The following FSHR variants were observed in gnomAD, a reference collection of about 807,000 sequenced individuals.
FSHR encodes follicle-stimulating hormone receptor.
A neutral mutation model predicts 52.1 loss-of-function variants in FSHR; 46 were observed. That is an observed-to-expected ratio of 0.88 (90% confidence interval 0.70 to 1.13). FSHR has a LOEUF of 1.13. Ranked by LOEUF, FSHR falls within the 50% of genes most tolerant of loss-of-function variation. The probability of loss-of-function intolerance (pLI) is 0.00; values close to 1 mark genes in which losing one functional copy is unlikely to be tolerated. For synonymous variants in FSHR, 399 were observed against 309.6 expected (o/e 1.29, Z -3.03); for missense variants, 964 against 834.6 (o/e 1.16, Z -1.91).
intron 4 of FSHR, among the ~76,000 whole-genome samples, chr2:48,996,676 C>T (rs1041900630): frequency 2.9e-4 from 44 of 152,100 alleles, no homozygotes; most frequent in African/African-American, 1.0e-3. Context: ...TGATTTTCAG[C>T]ATGACAGCTG....
chr2:48,997,924 G>C (rs899213130), intron 4 of FSHR, among the ~76,000 whole-genome samples: 1 of 152,072 alleles, frequency 6.6e-6, no homozygotes, highest in Non-Finnish European at 1.5e-5. Flanking sequence ...GACTTTCCCA[G>C]ATTCCTCCTG....
rs1667536115 is a variant in FSHR, at chr2:49,017,648, A to G, written c.300-85T>C. On this transcript the variant is annotated intron_variant, in intron 3 of 9. Coordinates refer to ENST00000406846, the MANE Select transcript of FSHR (RefSeq NM_000145.4). The stretch of plus-strand genomic sequence containing the variant: ...TCACATTTTACAGAGTACATAATAA[A>G]TCATTCATCCCATCCACTCATCCAC... The G allele has an allele frequency of 6.2e-6, 6 of 965,768 alleles. No individual in the cohort carries two copies. In the South Asian group the frequency reaches 8.1e-5, roughly 13 times the overall value. The allele number at this position is 965,768 out of a possible 1,614,324, so 59.8% of individuals were successfully genotyped here. A position where few individuals can be genotyped will look rare whatever the true frequency, so the allele number is the denominator to read the frequency against.
chr2:49,027,290 G>A (rs1388772436), intron 2 of FSHR, among the ~76,000 whole-genome samples: 2 of 152,116 alleles, frequency 1.3e-5, no homozygotes, highest in East Asian at 3.9e-4. Context: ...ACTCCGGAGT[G>A]GTTTGATGTT....
At chr2:49,100,550 C>G (rs1006280576) in intron 1 of FSHR, among the ~76,000 whole-genome samples, 1 of 152,154 alleles carries the variant, frequency 6.6e-6, no homozygotes, top group East Asian at 1.9e-4. Context: ...CTCCCAAAAC[C>G]CTTACCCAAT....
chr2:49,043,541 C>A (rs1668550819), intron 2 of FSHR, among the ~76,000 whole-genome samples: 1 of 152,186 alleles, frequency 6.6e-6, no homozygotes, highest in African/African-American at 2.4e-5. Flanking sequence ...AAGTCAATGA[C>A]ACTAAGCAGT....
intron 1 of FSHR, among the ~76,000 whole-genome samples, chr2:49,102,699 T>C (rs769251463): frequency 6.6e-6 from 1 of 152,196 alleles, no homozygotes; most frequent in Non-Finnish European, 1.5e-5. Flanking sequence ...TTCATGGACA[T>C]TGAAATCTAG....
intron 2 of FSHR, among the ~76,000 whole-genome samples, chr2:49,062,214 A>G (rs1669337608): frequency 6.6e-6 from 1 of 152,192 alleles, no homozygotes. Flanking sequence ...TGCTATGGTC[A>G]TAAAAACCAA....
At chr2:49,085,434 C>A (rs1034608797) in intron 1 of FSHR, among the ~76,000 whole-genome samples, 6 of 149,428 alleles carry the variant, frequency 4.0e-5, no homozygotes, top group African/African-American at 1.5e-4. Context: ...AAAACTGGCA[C>A]AACGAAGGGA....
intron 4 of FSHR, among the ~76,000 whole-genome samples, chr2:49,004,561 G>A (rs1489495979): frequency 1.3e-5 from 2 of 152,168 alleles, no homozygotes; most frequent in African/African-American, 2.4e-5. Context: ...GCACTTCAGG[G>A]CTAGAGTAGA....
intron 2 of FSHR, among the ~76,000 whole-genome samples, chr2:49,021,700 C>T (rs1010262081): frequency 1.3e-5 from 2 of 151,488 alleles, no homozygotes; most frequent in South Asian, 2.1e-4. Context: ...TCTCAGAAGC[C>T]CCCATGAATG....
At chr2:49,056,633 A>G (rs1379938885) in intron 2 of FSHR, among the ~76,000 whole-genome samples, 1 of 151,972 alleles carries the variant, frequency 6.6e-6, no homozygotes, top group Admixed American at 6.6e-5. Flanking sequence ...ACAAAGAAAC[A>G]TTGGATTTAA....
At chr2:49,015,052 T>C (rs889423579) in intron 4 of FSHR, 3 of 311,214 alleles carry the variant, frequency 9.6e-6, no homozygotes, top group African/African-American at 6.7e-5. Context: ...TTATAGTTTT[T>C]ATATAAAAAC....
intron 8 of FSHR, among the ~76,000 whole-genome samples, chr2:48,975,900 G>A (rs1674965747): frequency 1.3e-5 from 2 of 152,066 alleles, no homozygotes; most frequent in Non-Finnish European, 2.9e-5. Context: ...GAGATGATGG[G>A]GTTTTCTAAA....
chr2:49,023,405 G>C (rs529972178), intron 2 of FSHR, among the ~76,000 whole-genome samples: 1 of 152,286 alleles, frequency 6.6e-6, no homozygotes, highest in Non-Finnish European at 1.5e-5. Context: ...TCAGGCCTAT[G>C]AATATCATCA....
In FSHR at chr2:48,988,989, TC is replaced by T. The variant is rs1269696513; in HGVS notation, c.511del (p.Glu171LysfsTer3). 6.2e-7 allele frequency: 1 copy of T among 1,613,714 alleles called. No individual in the cohort carries two copies. The highest frequency in any genetic ancestry group is 1.3e-5 in the African/African-American group (1 of 74,916). The stretch of plus-strand genomic sequence containing the variant: ...CCCCCTTACTTACAGAATCACACTT[TC>T]AAAGCTCAGCCCCACGAAAGAATTT... ...ERNSFVGLSF[E>X]SVILWLNKNG... On this transcript the variant is annotated frameshift_variant, in exon 6 of 10. Coordinates refer to ENST00000406846, the MANE Select transcript of FSHR (RefSeq NM_000145.4). LOFTEE classifies it high-confidence loss of function.
intron 2 of FSHR, among the ~76,000 whole-genome samples, chr2:49,039,512 A>T (rs1487768807): frequency 1.3e-5 from 2 of 152,204 alleles, no homozygotes; most frequent in Non-Finnish European, 2.9e-5. Flanking sequence ...GATTAACAAA[A>T]ATTTACTTTT....
rs904236657 is a variant in FSHR, at chr2:49,135,219, TA to T, written c.152+19046del. On this transcript the variant is annotated intron_variant, in intron 1 of 9. Transcript: ENST00000406846. The stretch of plus-strand genomic sequence containing the variant: ...CAGGATAGACCATATGCTAAGCCAT[TA>T]AAAAAAAACTTCAATATTTTTGATT... Among the ~76,000 whole-genome samples, 9 of 146,590 alleles carry T rather than the reference TA, an allele frequency of 6.1e-5. 1 individual carries two copies. Among genetic ancestry groups the T allele is most frequent in the East Asian group, 2.1e-4 (1 of 4,822 alleles).
At chr2:49,002,522 G>C (rs1032291368) in intron 4 of FSHR, among the ~76,000 whole-genome samples, 2 of 152,070 alleles carry the variant, frequency 1.3e-5, no homozygotes. Flanking sequence ...CATGGAGAAA[G>C]GGGGAGCAAA....
intron 1 of FSHR, among the ~76,000 whole-genome samples, chr2:49,123,398 T>C (rs1411170978): frequency 6.6e-6 from 1 of 151,888 alleles, no homozygotes; most frequent in African/African-American, 2.4e-5. Flanking sequence ...GAGGTAGGAG[T>C]ATCGCTTGAG....
Sources: gnomAD v4.1 joint callset for allele counts (sites outside exome capture counted in the v4.1 genomes callset) on GRCh38, gnomAD v4.1.1 for gene constraint, MANE v1.5 for transcripts, NCBI Gene and HGNC (gene_info 2026-07-23, HGNC 2026-07-21) for gene names.